The following SKAP1 variants were observed in gnomAD, a reference collection of about 807,000 sequenced individuals.
SKAP1 encodes src kinase associated phosphoprotein 1, also known as src kinase-associated phosphoprotein 1.
SKAP1 carries 44 observed loss-of-function variants against 58.5 expected under a neutral mutation model. The observed-to-expected ratio is 0.75, with a 90% confidence interval of 0.59 to 0.97. The LOEUF (loss-of-function observed/expected upper bound fraction) is 0.97. SKAP1 is among the 50% of genes least tolerant of loss of function. The probability of loss-of-function intolerance (pLI) is 0.00; values close to 1 mark genes in which losing one functional copy is unlikely to be tolerated. For missense variants in SKAP1, 390 were observed against 435.2 expected, an observed-to-expected ratio of 0.90 and a Z score of 0.92; for synonymous variants, 127 against 149.7, an observed-to-expected ratio of 0.85 and a Z score of 1.11.
chr17:48,293,130 T>A (rs1317313009), intron 4 of SKAP1, among the ~76,000 whole-genome samples: 1 of 152,218 alleles, frequency 6.6e-6, no homozygotes, highest in Non-Finnish European at 1.5e-5. Flanking sequence ...TATATTAATA[T>A]CTGTAATCCT....
At chr17:48,137,700 CAAT>C (rs2144565187) in intron 11 of SKAP1, among the ~76,000 whole-genome samples, 1 of 152,256 alleles carries the variant, frequency 6.6e-6, no homozygotes, top group South Asian at 2.1e-4. Context: ...TAGTTCAAAT[CAAT>C]AATATTTATC....
chr17:48,284,880 T>C (rs1191290851), intron 4 of SKAP1, among the ~76,000 whole-genome samples: 2 of 152,198 alleles, frequency 1.3e-5, no homozygotes, highest in South Asian at 2.1e-4. Flanking sequence ...TCTCCTATAG[T>C]AGTCATTAAA....
chr17:48,174,412 A>T (rs2064260487), intron 9 of SKAP1, among the ~76,000 whole-genome samples: 2 of 152,196 alleles, frequency 1.3e-5, no homozygotes, highest in African/African-American at 4.8e-5. Flanking sequence ...GGTTGTGAAA[A>T]TTACACCCCT....
intron 2 of SKAP1, among the ~76,000 whole-genome samples, chr17:48,387,635 A>G (rs2067294282): frequency 1.3e-5 from 2 of 152,190 alleles, no homozygotes; most frequent in African/African-American, 2.4e-5. Context: ...GGCCAAAATG[A>G]TTTTGTGCCA....
At chr17:48,411,558 C>T (rs2067666724) in intron 1 of SKAP1, among the ~76,000 whole-genome samples, 1 of 152,124 alleles carries the variant, frequency 6.6e-6, no homozygotes, top group African/African-American at 2.4e-5. Context: ...TAGCAACTGT[C>T]TTCCAAAGAG....
At chr17:48,277,705 G>A (rs1205297169) in intron 4 of SKAP1, among the ~76,000 whole-genome samples, 2 of 152,162 alleles carry the variant, frequency 1.3e-5, no homozygotes, top group African/African-American at 2.4e-5. Flanking sequence ...ACAGGGTCTT[G>A]CTCTGTTGCC....
intron 4 of SKAP1, among the ~76,000 whole-genome samples, chr17:48,227,372 A>G (rs945416429): frequency 7.9e-5 from 12 of 152,208 alleles, no homozygotes; most frequent in African/African-American, 2.9e-4. Context: ...GCTAGACTAC[A>G]TGAGTTCATG....
chr17:48,236,551 C>T (rs1413997117), intron 4 of SKAP1, among the ~76,000 whole-genome samples: 1 of 152,084 alleles, frequency 6.6e-6, no homozygotes, highest in East Asian at 1.9e-4. Context: ...ATTACATAAA[C>T]AAATTTAAAG....
intron 1 of SKAP1, among the ~76,000 whole-genome samples, chr17:48,410,584 G>A (rs1037204136): frequency 6.6e-5 from 10 of 151,970 alleles, no homozygotes; most frequent in African/African-American, 2.4e-4. Context: ...AGGAAGTGCT[G>A]AAAACACACA....
chr17:48,324,869 T>C (rs2066412502), intron 4 of SKAP1, among the ~76,000 whole-genome samples: 1 of 152,104 alleles, frequency 6.6e-6, no homozygotes, highest in Non-Finnish European at 1.5e-5. Flanking sequence ...TCACTCCCTA[T>C]ACTTTTACCA....
chr17:48,178,350 T>C (rs917429089), intron 9 of SKAP1, among the ~76,000 whole-genome samples: 2 of 152,036 alleles, frequency 1.3e-5, no homozygotes, highest in Non-Finnish European at 2.9e-5. Context: ...TCTTCCACAG[T>C]TGTAACCCAA....
At chr17:48,247,450 T>A (rs1040268166) in intron 4 of SKAP1, among the ~76,000 whole-genome samples, 1 of 152,206 alleles carries the variant, frequency 6.6e-6, no homozygotes, top group African/African-American at 2.4e-5. Context: ...CTAAGCCCAA[T>A]ACAATTTGTT....
chr17:48,422,956 G>A (rs2067813530), intron 1 of SKAP1, among the ~76,000 whole-genome samples: 1 of 152,176 alleles, frequency 6.6e-6, no homozygotes, highest in South Asian at 2.1e-4. Context: ...CATATCAGGA[G>A]TCCAATATAT....
At chr17:48,241,567 G>A (rs2065244036) in intron 4 of SKAP1, among the ~76,000 whole-genome samples, 1 of 152,040 alleles carries the variant, frequency 6.6e-6, no homozygotes, top group Admixed American at 6.6e-5. Flanking sequence ...AGACCCAGAT[G>A]CCTCACATGG....
intron 4 of SKAP1, among the ~76,000 whole-genome samples, chr17:48,211,472 G>C (rs1249523497): frequency 6.6e-6 from 1 of 152,130 alleles, no homozygotes; most frequent in Non-Finnish European, 1.5e-5. Flanking sequence ...TCAACGGAGG[G>C]ACAACCAGGA....
chr17:48,186,275 C>T (rs1414535810), intron 6 of SKAP1, among the ~76,000 whole-genome samples: 1 of 151,980 alleles, frequency 6.6e-6, no homozygotes, highest in Non-Finnish European at 1.5e-5. Context: ...GCTCAGTTTA[C>T]AAACTATGCT....
At chr17:48,281,345 C>A (rs958729011) in intron 4 of SKAP1, among the ~76,000 whole-genome samples, 1 of 152,054 alleles carries the variant, frequency 6.6e-6, no homozygotes, top group Non-Finnish European at 1.5e-5. Context: ...TTTTAAAGCA[C>A]TTCAGTCTAC....
chr17:48,430,269 C>A (rs1412081831), upstream of SKAP1: 10 of 496,146 alleles, frequency 2.0e-5, no homozygotes, highest in Admixed American at 4.9e-5. Flanking sequence ...GGCCGTGGGT[C>A]CCCGGGCGCG....
chr17:48,405,433 CTTT>C (rs1567902126), intron 1 of SKAP1, among the ~76,000 whole-genome samples: 75 of 84,200 alleles, frequency 8.9e-4, no homozygotes, highest in Non-Finnish European at 1.1e-3. Flanking sequence ...TTCTTTCTTT[CTTT>C]CTTTCTTTCT....
Sources: allele counts gnomAD v4.1 joint callset (sites outside exome capture counted in the v4.1 genomes callset), GRCh38; gene constraint gnomAD v4.1.1; transcripts MANE v1.5; gene names NCBI Gene and HGNC (gene_info 2026-07-23, HGNC 2026-07-21).